The following PCYT2 variants were observed in gnomAD, a reference collection of about 807,000 sequenced individuals.
PCYT2 encodes ethanolamine-phosphate cytidylyltransferase.
In PCYT2, 33 loss-of-function variants were observed where a neutral mutation model predicts 50.0. That is an observed-to-expected ratio of 0.66 (90% confidence interval 0.50 to 0.88). The LOEUF (loss-of-function observed/expected upper bound fraction) is 0.88, where lower values mean the gene tolerates loss of function less well. Ranked by LOEUF, PCYT2 falls within the 40% of genes least tolerant of loss-of-function variation. The probability of loss-of-function intolerance (pLI) is 0.00; values close to 1 mark genes in which losing one functional copy is unlikely to be tolerated. For synonymous variants in PCYT2, 240 were observed against 203.7 expected (o/e 1.18, Z -1.52); for missense variants, 430 against 519.7 (o/e 0.83, Z 1.68).
chr17:81,908,246 A>G (rs552350916), intron 4 of PCYT2, among the ~76,000 whole-genome samples: 1 of 152,314 alleles, frequency 6.6e-6, no homozygotes, highest in East Asian at 1.9e-4. Context: ...CACTGGCCTC[A>G]TGTCCCTGAC....
chr17:81,908,789 C>T lies in PCYT2; in HGVS notation c.340+87G>A. On this transcript the variant is annotated intron_variant, in intron 3 of 12. Coordinates refer to ENST00000538936, the MANE Select transcript of PCYT2 (RefSeq NM_002861.5). ...GTCTCAGATCCTCAAAGGGCGGAGG[C>T]CCCCTGTTCCCGGATGTCCCACCAG... is the stretch of plus-strand genomic sequence containing the variant. 4 of 1,398,454 alleles carry T rather than the reference C, an allele frequency of 2.9e-6. No homozygotes were observed. The South Asian group carries it at 3.7e-5, about 13-fold the overall frequency. The allele number at this position is 1,398,454 out of a possible 1,614,324, so 86.6% of individuals were successfully genotyped here.
At chr17:81,905,639 G>A in intron 10 of PCYT2, 31 bp downstream of exon 10, 1 of 1,603,516 alleles carries the variant, frequency 6.2e-7, no homozygotes. Flanking sequence ...GGTGAACAGA[G>A]GGAACGAGGT....
intron 4 of PCYT2, among the ~76,000 whole-genome samples, chr17:81,908,213 G>T (rs897144185): frequency 6.6e-6 from 1 of 152,176 alleles, no homozygotes; most frequent in Non-Finnish European, 1.5e-5. Context: ...TGAATTCTCA[G>T]CTGCAGCATC....
At chr17:81,910,854 G>A (rs972192796) in intron 1 of PCYT2, 11 of 985,150 alleles carry the variant, frequency 1.1e-5, no homozygotes, top group African/African-American at 3.5e-5. Context: ...GGGAGCCCGC[G>A]GGCTTCACCG....
At chr17:81,911,230 C>T (rs897496409) in intron 1 of PCYT2, 37 bp downstream of exon 1, 1 of 1,030,010 alleles carries the variant, frequency 9.7e-7, no homozygotes, top group East Asian at 8.9e-5. Context: ...GAAGCCGGCC[C>T]CGGCGCCCCC....
intron 1 of PCYT2, among the ~76,000 whole-genome samples, chr17:81,909,973 G>A (rs1179265710): frequency 6.6e-6 from 1 of 152,194 alleles, no homozygotes; most frequent in Non-Finnish European, 1.5e-5. Flanking sequence ...TTTAAAATAA[G>A]CCGATGTTAA....
rs146539288 is a variant in PCYT2, at chr17:81,905,752, G to T, written c.838-17C>A. On this transcript the variant is annotated splice_polypyrimidine_tract_variant and intron_variant, in intron 9 of 12. Transcript: ENST00000538936. ...TGACACGTACTGTGGGGACAGTGGG[G>T]GCAGAAAGACTTGCTCGGTCCCTGC... 2,449 of 1,612,912 alleles carry T rather than the reference G, an allele frequency of 1.5e-3. 31 individuals are homozygous for T. In the African/African-American group the frequency reaches 0.03, roughly 20 times the overall value.
intron 1 of PCYT2, among the ~76,000 whole-genome samples, chr17:81,910,589 C>T (rs1193435149): frequency 6.6e-6 from 1 of 152,184 alleles, no homozygotes; most frequent in Non-Finnish European, 1.5e-5. Flanking sequence ...TGACACAAAG[C>T]CACATTCCTT....
chr17:81,906,365 G>T, intron 8 of PCYT2, 99 bp downstream of exon 8: 1 of 1,331,494 alleles, frequency 7.5e-7, no homozygotes. Flanking sequence ...CTTCACCTGG[G>T]GCCCCTTCCC....
chr17:81,908,440 G>A (rs188141516), intron 4 of PCYT2, 128 bp downstream of exon 4: 2 of 689,464 alleles, frequency 2.9e-6, no homozygotes, highest in Admixed American at 2.5e-5. Context: ...TCCCAGTCCT[G>A]GGCGTGAGGA....
At chr17:81,905,526 G>A in intron 10 of PCYT2, 79 bp from the exon 11 acceptor site, 2 of 1,472,844 alleles carry the variant, frequency 1.4e-6, no homozygotes, top group Non-Finnish European at 1.9e-6. Flanking sequence ...CAGGCCCCGG[G>A]GGTTGGGAGA....
chr17:81,911,304 C>G lies in PCYT2; in HGVS notation c.52G>C (p.Gly18Arg). 2.6e-6 allele frequency: 3 copies of G among 1,138,994 alleles called. No homozygotes were observed. Among genetic ancestry groups the G allele is most frequent in the South Asian group, 4.2e-5 (2 of 47,582 alleles). 70.6% of individuals were successfully genotyped at this position (1,138,994 alleles called of 1,614,324 possible). The change falls in exon 1 of 13, where the codon GGG (glycine) becomes CGG (arginine). Residue 18 changes from glycine to arginine, a missense_variant. Around this residue, in one of 4 missense-constraint regions of PCYT2, gnomAD observed 63 missense variants for 37.5 expected, o/e 1.68. Coordinates refer to ENST00000538936, the MANE Select transcript of PCYT2 (RefSeq NM_002861.5). Reference protein sequence around the residue: ...AAGGAEQPGPGGRRAVRVWCD... With the variant: ...AAGGAEQPGPRGRRAVRVWCD... ...CACACCCTCACGGCGCGCCTGCCCC[C>G]CGGGCCCGGCTGCTCTGCGCCGCCT...
intron 6 of PCYT2, 103 bp downstream of exon 6, chr17:81,907,451 G>C (rs1009701349): frequency 3.8e-6 from 5 of 1,323,064 alleles, no homozygotes; most frequent in Non-Finnish European, 5.3e-6. Flanking sequence ...AGGGAGGAGG[G>C]TGAGGCTCTG....
intron 6 of PCYT2, 158 bp from the exon 7 acceptor site, chr17:81,907,056 T>G (rs2040312479): frequency 5.7e-6 from 6 of 1,043,814 alleles, no homozygotes; most frequent in African/African-American, 1.6e-5. Flanking sequence ...CAGGTGGGAC[T>G]GTGGCGCCAC....
Position 81,902,368 on chromosome 17 carries a change from G to T in PCYT2, c.*2465C>A. On this transcript the variant is annotated 3_prime_UTR_variant, in exon 13 of 13. Transcript: ENST00000538936. ...CCTCGCGTGGTACAAGCCAGCGGCG[G>T]GGCACAGCTCCTACTCGGTGGGCCG... 7.5e-7 allele frequency: 1 copy of T among 1,341,746 alleles called. No individual in the cohort carries two copies. The highest frequency in any genetic ancestry group is 2.0e-5 in the South Asian group (1 of 51,098). The allele number at this position is 1,341,746 out of a possible 1,614,324, so 83.1% of individuals were successfully genotyped here.
Position 81,902,252 on chromosome 17 carries a change from C to A in PCYT2, c.*2581G>T. ...GTGGCTGCTCCGAGCCCGGACGCCG[C>A]CGCCCACCAGTCAGCCGGCGTCCCC... On this transcript the variant is annotated 3_prime_UTR_variant, in exon 13 of 13. Coordinates refer to ENST00000538936, the MANE Select transcript of PCYT2 (RefSeq NM_002861.5). 1 of 1,233,414 alleles carries A rather than the reference C, an allele frequency of 8.1e-7. No individual in the cohort carries two copies. 76.4% of individuals were successfully genotyped at this position (1,233,414 alleles called of 1,614,324 possible). A position where few individuals can be genotyped will look rare whatever the true frequency, so the allele number is the denominator to read the frequency against.
Position 81,904,841 on chromosome 17 carries a change from C to A in PCYT2, c.1162G>T (p.Asp388Tyr). ...AAQPLGERDG[D>Y]F ...CCAGGGCCTCTGCCAGGTTAGAAGT[C>A]ACCATCGCGCTCCCCCAGGGGCTGT... The change falls in exon 13 of 13, where the codon GAC becomes TAC. Residue 388 changes from aspartate (D) to tyrosine (Y), a missense_variant. Asp to Tyr is a radical substitution (Grantham distance 160). This residue lies in a region of PCYT2 where 248 missense variants were observed against 300.2 expected (regional missense o/e 0.83). Coordinates refer to ENST00000538936, the MANE Select transcript of PCYT2 (RefSeq NM_002861.5). 1 of 1,607,406 alleles carries A rather than the reference C, an allele frequency of 6.2e-7. No homozygotes were observed. The highest frequency in any genetic ancestry group is 1.1e-5 in the South Asian group (1 of 90,740).
intron 1 of PCYT2, among the ~76,000 whole-genome samples, chr17:81,910,454 G>C (rs1050402740): frequency 3.3e-5 from 5 of 152,192 alleles, no homozygotes; most frequent in African/African-American, 1.2e-4. Flanking sequence ...AGACATGCTG[G>C]GTAAAATCTG....
chr17:81,909,276 G>C, intron 2 of PCYT2: 1 of 1,430,162 alleles, frequency 7.0e-7, no homozygotes, highest in Non-Finnish European at 9.1e-7. Flanking sequence ...TGAAGGCTTG[G>C]GAGCCTCGCT....
Sources: allele counts gnomAD v4.1 joint callset (sites outside exome capture counted in the v4.1 genomes callset), GRCh38; gene constraint gnomAD v4.1.1; regional missense constraint gnomAD v4.1.1; transcripts MANE v1.5; gene names NCBI Gene and HGNC (gene_info 2026-07-23, HGNC 2026-07-21).